DENND1A: variants seen among roughly 807,000 people sequenced by gnomAD.
DENND1A encodes DENN domain-containing protein 1A.
In DENND1A, 51 loss-of-function variants were observed where a neutral mutation model predicts 113.7. That is an observed-to-expected ratio of 0.45 (90% CI 0.36 to 0.57). DENND1A has a LOEUF of 0.57. Ranked by LOEUF, DENND1A falls within the 20% of genes least tolerant of loss-of-function variation. DENND1A has a pLI of 0.00. For missense variants in DENND1A, 1,258 were observed against 1,395.9 expected, an observed-to-expected ratio of 0.90 and a Z score of 1.57; for synonymous variants, 565 against 570.8, an observed-to-expected ratio of 0.99 and a Z score of 0.14.
chr9:123,763,196 G>A (rs1195837127), intron 4 of DENND1A, among the ~76,000 whole-genome samples: 4 of 152,006 alleles, frequency 2.6e-5, no homozygotes, highest in Admixed American at 2.6e-4. Flanking sequence ...TATACAGAGA[G>A]CAGTTTGGAA....
intron 1 of DENND1A, among the ~76,000 whole-genome samples, chr9:123,884,333 T>G (rs949758379): frequency 6.6e-6 from 1 of 152,212 alleles, no homozygotes; most frequent in African/African-American, 2.4e-5. Context: ...CATGTAATGA[T>G]GCTGAGAATG....
rs1241892780 is a variant in DENND1A at position 123,422,829 on chromosome 9, C to G, written c.1489-11000G>C. 6.6e-6 allele frequency among the ~76,000 whole-genome samples: 1 copy of G among 152,144 alleles called. No individual in the cohort carries two copies. Among genetic ancestry groups the G allele is most frequent in the Non-Finnish European group, 1.5e-5 (1 of 68,024 alleles). ...ATTTTTATTCATGGTGGCGTACGCC[C>G]TTGTAATGATCAGCTCTGGTCGATG... On this transcript the variant is annotated intron_variant, in intron 19 of 23. Coordinates refer to ENST00000394215, the MANE Select transcript of DENND1A (RefSeq NM_001352964.2). This position sits in a 1 kb window ranked among gnomAD's most constrained non-coding sequence, Gnocchi z 4.8.
chr9:123,541,407 C>T (rs2056280633), intron 13 of DENND1A, among the ~76,000 whole-genome samples: 1 of 152,140 alleles, frequency 6.6e-6, no homozygotes, highest in African/African-American at 2.4e-5. Flanking sequence ...ATAAAAGTTT[C>T]CCTTCAGAGA....
rs138390745 is a variant in DENND1A, at chr9:123,676,437, A to C, written c.372+283T>G. Reference sequence around the variant, plus strand: ...GCTGCTTGGGAATATTAGAAATTGAACATTAACTCTGTGAACGTTAAGGGT... The same window carrying C: ...GCTGCTTGGGAATATTAGAAATTGACCATTAACTCTGTGAACGTTAAGGGT... On this transcript the variant is annotated intron_variant, in intron 6 of 23. Coordinates refer to ENST00000394215, the MANE Select transcript of DENND1A (RefSeq NM_001352964.2). Among the ~76,000 whole-genome samples the C allele has an allele frequency of 3.6e-3, 543 of 152,280 alleles. 5 individuals carry two copies. Among genetic ancestry groups the C allele is most frequent in the African/African-American group, 0.012 (505 of 41,552 alleles).
chr9:123,550,653 C>T lies in DENND1A; in HGVS notation c.993+6917G>A, dbSNP rs578152896. On this transcript the variant is annotated intron_variant, in intron 13 of 23. Coordinates refer to ENST00000394215, the MANE Select transcript of DENND1A (RefSeq NM_001352964.2). Reference sequence around the variant, plus strand: ...AAAAGTTCTTTAAAACTGAGACCAGCGTGTGTGAAATGTGTTTCGAGGGGG... The same window carrying T: ...AAAAGTTCTTTAAAACTGAGACCAGTGTGTGTGAAATGTGTTTCGAGGGGG... Among the ~76,000 whole-genome samples the T allele has an allele frequency of 7.2e-5, 11 of 152,244 alleles. No individual in the cohort carries two copies. The East Asian group carries it at 1.7e-3, about 24-fold the overall frequency.
rs1395593263 is a variant in DENND1A, at chr9:123,764,611, C to T, written c.182+4903G>A. ...ACTTCGAGACAGAACGCAATGCCTA[C>T]CTGCTGGAGAAACTCACCAGACAAT... On this transcript the variant is annotated intron_variant, in intron 4 of 23. Transcript: ENST00000394215. This position sits in a 1 kb window ranked among gnomAD's most constrained non-coding sequence, Gnocchi z 4.1. Among the ~76,000 whole-genome samples, 1 of 152,190 alleles carries T rather than the reference C, an allele frequency of 6.6e-6. No individual in the cohort carries two copies. Among genetic ancestry groups the T allele is most frequent in the Non-Finnish European group, 1.5e-5 (1 of 68,032 alleles).
intron 5 of DENND1A, among the ~76,000 whole-genome samples, chr9:123,705,149 T>C (rs1169966559): frequency 6.6e-6 from 1 of 150,834 alleles, no homozygotes; most frequent in Non-Finnish European, 1.5e-5. Flanking sequence ...AGTTTAAGAG[T>C]AACAATTAGA....
intron 13 of DENND1A, among the ~76,000 whole-genome samples, chr9:123,488,427 C>CA (rs2051073023): frequency 6.6e-6 from 1 of 152,226 alleles, no homozygotes; most frequent in Non-Finnish European, 1.5e-5. Flanking sequence ...AGACAGATCC[C>CA]AATGAGGGAG....
intron 13 of DENND1A, among the ~76,000 whole-genome samples, chr9:123,535,436 C>A (rs1483591789): frequency 6.6e-6 from 1 of 152,030 alleles, no homozygotes; most frequent in Admixed American, 6.6e-5. Context: ...ACACAAGAAA[C>A]CCTGTCTCTA....
At chr9:123,724,469 G>A (rs2067556006) in intron 5 of DENND1A, among the ~76,000 whole-genome samples, 1 of 151,424 alleles carries the variant, frequency 6.6e-6, no homozygotes, top group Admixed American at 6.6e-5. Context: ...AGGGGAAGGA[G>A]AGGGGAGGAG....
chr9:123,639,701 C>T lies in DENND1A; in HGVS notation c.619-9225G>A, dbSNP rs566774867. Reference sequence around the variant, plus strand: ...CTGAGGCAGAAGAATCACTTGAACCCGGGAGGTAGAGGTTGTGGTGAGCCA... The same window carrying T: ...CTGAGGCAGAAGAATCACTTGAACCTGGGAGGTAGAGGTTGTGGTGAGCCA... On this transcript the variant is annotated intron_variant, in intron 9 of 23. Transcript: ENST00000394215. 2.4e-3 allele frequency among the ~76,000 whole-genome samples: 348 copies of T among 146,634 alleles called. 3 individuals are homozygous for T. The highest frequency in any genetic ancestry group is 8.3e-3 in the African/African-American group (332 of 40,120).
intron 9 of DENND1A, among the ~76,000 whole-genome samples, chr9:123,643,288 C>T (rs1028624690): frequency 2.0e-5 from 3 of 152,110 alleles, no homozygotes; most frequent in African/African-American, 4.8e-5. Context: ...CAATGAGATA[C>T]CATCAGAAAA....
At chr9:123,895,635 GA>G (rs1484422558) in intron 1 of DENND1A, among the ~76,000 whole-genome samples, 2 of 146,512 alleles carry the variant, frequency 1.4e-5, no homozygotes, top group Middle Eastern at 3.4e-3. Flanking sequence ...AAAAAAAAAA[GA>G]AAAAAAGAAA....
At chr9:123,758,025 C>T (rs993857003) in intron 4 of DENND1A, among the ~76,000 whole-genome samples, 6 of 151,524 alleles carry the variant, frequency 4.0e-5, no homozygotes, top group Admixed American at 3.9e-4. Flanking sequence ...CTAGTGACCA[C>T]CTCAGAAATC....
intron 11 of DENND1A, among the ~76,000 whole-genome samples, chr9:123,597,477 A>C: frequency 6.6e-6 from 1 of 152,164 alleles, no homozygotes; most frequent in East Asian, 1.9e-4. Flanking sequence ...GTCCTTAACA[A>C]CTTTAAGATC....
At chr9:123,526,986 C>T (rs943823752) in intron 13 of DENND1A, among the ~76,000 whole-genome samples, 3 of 152,212 alleles carry the variant, frequency 2.0e-5, no homozygotes, top group Non-Finnish European at 4.4e-5. Context: ...TCAAACTCAA[C>T]ATGAATAAGC....
chr9:123,664,802 C>T (rs2063416166), intron 8 of DENND1A, among the ~76,000 whole-genome samples: 2 of 152,166 alleles, frequency 1.3e-5, no homozygotes, highest in Non-Finnish European at 1.5e-5. Flanking sequence ...TTAGTATGCT[C>T]TATTTTGAAA....
chr9:123,470,879 G>A (rs1298426388), intron 13 of DENND1A, among the ~76,000 whole-genome samples: 1 of 152,164 alleles, frequency 6.6e-6, no homozygotes, highest in African/African-American at 2.4e-5. Context: ...CACTCATGCA[G>A]GGCTGAGTCT....
At chr9:123,723,367 T>C (rs1394608346) in intron 5 of DENND1A, among the ~76,000 whole-genome samples, 1 of 152,232 alleles carries the variant, frequency 6.6e-6, no homozygotes, top group African/African-American at 2.4e-5. Flanking sequence ...GAGTTAATGA[T>C]GAAATCAGTT....
Sources: allele counts gnomAD v4.1 joint callset (sites outside exome capture counted in the v4.1 genomes callset), GRCh38; gene constraint gnomAD v4.1.1; non-coding constraint Gnocchi (gnomAD v3.1); transcripts MANE v1.5; gene names NCBI Gene and HGNC (gene_info 2026-07-23, HGNC 2026-07-21).